AK7: variants seen among roughly 807,000 people sequenced by gnomAD.
The protein encoded by AK7 is ATP-AMP transphosphorylase 7.
AK7 carries 78 observed loss-of-function variants against 96.6 expected under a neutral mutation model. The ratio of observed to expected loss-of-function variants is 0.81; its 90% CI spans 0.67 to 0.97. The LOEUF (loss-of-function observed/expected upper bound fraction) is 0.97. Ranked by LOEUF, AK7 falls within the 50% of genes least tolerant of loss-of-function variation. The pLI, the probability that AK7 is intolerant of heterozygous loss-of-function variation, is 0.00. For synonymous variants in AK7, 302 were observed against 317.2 expected (o/e 0.95, Z 0.51); for missense variants, 855 against 887.9 (o/e 0.96, Z 0.47).
Position 96,488,516 on chromosome 14 carries a change from A to G in AK7, c.*173A>G, listed in dbSNP as rs972788272. 1.3e-5 allele frequency: 7 copies of G among 520,662 alleles called. No homozygotes were observed. Among genetic ancestry groups the G allele is most frequent in the African/African-American group, 1.2e-4 (6 of 52,030 alleles). 32.3% of individuals were successfully genotyped at this position (520,662 alleles called of 1,614,324 possible). On this transcript the variant is annotated 3_prime_UTR_variant, in exon 18 of 18. Transcript: ENST00000267584. ...AGCTATATGACATGACTATGTCATT[A>G]AAACTATATTTGAAATGTAAATTGA... is the stretch of plus-strand genomic sequence containing the variant.
At chr14:96,438,819 G>C (rs917501191) in intron 6 of AK7, among the ~76,000 whole-genome samples, 3 of 152,160 alleles carry the variant, frequency 2.0e-5, no homozygotes, top group Non-Finnish European at 4.4e-5. Flanking sequence ...CAGTGAGCAG[G>C]GTAGTGCCTA....
In AK7 at chr14:96,440,949, AC is replaced by A. The variant is rs1892925294; in HGVS notation, c.691-1778del. Among the ~76,000 whole-genome samples the A allele has an allele frequency of 2.0e-5, 3 of 151,752 alleles. No individual in the cohort carries two copies. In the South Asian group the frequency reaches 6.3e-4, roughly 32 times the overall value. ...AGGCCAGTGTGAGTGGATGGCTTGA[AC>A]CCAGGAGTTTGAGACCAGCCTGGGC... On this transcript the variant is annotated intron_variant, in intron 6 of 17. Transcript: ENST00000267584.
intron 9 of AK7, among the ~76,000 whole-genome samples, chr14:96,450,573 A>C (rs1186074346): frequency 2.7e-5 from 4 of 150,674 alleles, no homozygotes; most frequent in East Asian, 1.9e-4. Flanking sequence ...TCACAACAAA[A>C]AAAAAAAAAT....
In AK7 at chr14:96,483,144, G is replaced by A; in HGVS notation, c.1899G>A (p.Glu633=). 1.2e-6 allele frequency: 2 copies of A among 1,614,010 alleles called. No homozygotes were observed. Among genetic ancestry groups the A allele is most frequent in the Non-Finnish European group, 8.5e-7 (1 of 1,180,002 alleles). ...RKAAEERLAR[E]AAEEAEREHQ... The stretch of plus-strand genomic sequence containing the variant: ...CTGCGGAGGAGCGGCTGGCCAGGGA[G>A]GCTGCTGAGGAAGCAGAACGCGAGC... Residue 633 remains glutamate (E), a synonymous_variant, in exon 16 of 18, where the codon GAG becomes GAA. Coordinates refer to ENST00000267584, the MANE Select transcript of AK7 (RefSeq NM_152327.5).
intron 3 of AK7, among the ~76,000 whole-genome samples, chr14:96,407,879 G>A (rs1470154531): frequency 1.3e-5 from 2 of 152,010 alleles, no homozygotes; most frequent in African/African-American, 4.8e-5. Context: ...ACGCCCGGCC[G>A]ATATGTTTCT....
At chr14:96,450,975 C>T (rs1271961063) in intron 9 of AK7, among the ~76,000 whole-genome samples, 1 of 151,840 alleles carries the variant, frequency 6.6e-6, no homozygotes, top group African/African-American at 2.4e-5. Flanking sequence ...GAGGTTTCAC[C>T]GTGTTAGCCA....
intron 6 of AK7, among the ~76,000 whole-genome samples, chr14:96,438,117 A>G (rs1892750490): frequency 6.6e-6 from 1 of 152,196 alleles, no homozygotes; most frequent in South Asian, 2.1e-4. Context: ...TAATAATGAA[A>G]AAGACGTATC....
chr14:96,472,024 C>A (rs935510702), intron 13 of AK7, among the ~76,000 whole-genome samples: 1 of 152,114 alleles, frequency 6.6e-6, no homozygotes, highest in African/African-American at 2.4e-5. Context: ...CCCTGGCAAC[C>A]ACCATCCCAC....
At chr14:96,445,448 C>T (rs538670555) in intron 7 of AK7, among the ~76,000 whole-genome samples, 2 of 152,144 alleles carry the variant, frequency 1.3e-5, no homozygotes, top group African/African-American at 2.4e-5. Context: ...TCGCCTGAGC[C>T]GAGGAGTTCG....
intron 5 of AK7, among the ~76,000 whole-genome samples, chr14:96,433,680 G>A (rs901712147): frequency 6.6e-5 from 10 of 152,232 alleles, no homozygotes; most frequent in African/African-American, 1.9e-4. Context: ...CTGTCAACTC[G>A]TCAAAGTCAT....
intron 4 of AK7, among the ~76,000 whole-genome samples, chr14:96,419,346 A>T (rs907751264): frequency 3.9e-5 from 6 of 152,222 alleles, no homozygotes; most frequent in African/African-American, 1.4e-4. Flanking sequence ...ATAAAACTAC[A>T]GGCTGGGGCG....
chr14:96,392,813 A>C (rs1336211405), intron 1 of AK7, among the ~76,000 whole-genome samples: 2 of 151,848 alleles, frequency 1.3e-5, no homozygotes, highest in Non-Finnish European at 2.9e-5. Context: ...CAGGCGCCCG[A>C]CACCGCGCCC....
intron 4 of AK7, among the ~76,000 whole-genome samples, chr14:96,419,433 C>T (rs1475760227): frequency 6.6e-6 from 1 of 152,046 alleles, no homozygotes; most frequent in Non-Finnish European, 1.5e-5. Context: ...AGGTGGAGAC[C>T]AGCCTGGGTA....
At chr14:96,437,720 C>A in intron 5 of AK7, 115 bp from the exon 6 acceptor site, 1 of 686,076 alleles carries the variant, frequency 1.5e-6, no homozygotes, top group Admixed American at 2.8e-5. Context: ...TACTCAGTAA[C>A]CTGCAAGAGT....
chr14:96,417,416 G>A (rs576778008), intron 4 of AK7, among the ~76,000 whole-genome samples: 2 of 152,270 alleles, frequency 1.3e-5, no homozygotes, highest in African/African-American at 4.8e-5. Context: ...ACCTGTTTAC[G>A]AGGACAGTTA....
At chr14:96,423,892 A>C in intron 5 of AK7, 1 of 992,214 alleles carries the variant, frequency 1.0e-6, no homozygotes, top group Non-Finnish European at 1.6e-6. Flanking sequence ...GGAGACCCCG[A>C]GCCCACATAA....
At chr14:96,427,682 C>T (rs573259501) in intron 5 of AK7, among the ~76,000 whole-genome samples, 2 of 152,314 alleles carry the variant, frequency 1.3e-5, no homozygotes, top group African/African-American at 4.8e-5. Flanking sequence ...AAGTTCTCCA[C>T]TATTGTCCCT....
At chr14:96,440,490 C>G (rs1482469823) in intron 6 of AK7, among the ~76,000 whole-genome samples, 1 of 152,146 alleles carries the variant, frequency 6.6e-6, no homozygotes, top group Non-Finnish European at 1.5e-5. Flanking sequence ...AAACTTCAGT[C>G]TCCAGCGAGG....
chr14:96,421,669 G>A (rs112095069), intron 5 of AK7: 2,552 of 150,676 alleles, frequency 0.017, 36 homozygotes, highest in Middle Eastern at 0.024. Flanking sequence ...GCAGTGGTGC[G>A]ATCTTGGCTC....
Sources: allele counts gnomAD v4.1 joint callset (sites outside exome capture counted in the v4.1 genomes callset), GRCh38; gene constraint gnomAD v4.1.1; transcripts MANE v1.5; gene names NCBI Gene and HGNC (gene_info 2026-07-23, HGNC 2026-07-21).